Variants in ASH1L observed in about 807,000 individuals in gnomAD.
The protein encoded by ASH1L is histone-lysine N-methyltransferase ASH1L.
A neutral mutation model predicts 269.0 loss-of-function variants in ASH1L; 23 were observed. That is an observed-to-expected ratio of 0.09 (90% CI 0.06 to 0.12). The LOEUF is 0.12. Among genes scored for constraint, ASH1L ranks in the 10% least tolerant of loss-of-function variants. The pLI, the probability that ASH1L is intolerant of heterozygous loss-of-function variation, is 1.00. For synonymous variants in ASH1L, 1,187 were observed against 1,253.5 expected (o/e 0.95, Z 1.12); for missense variants, 2,912 against 3,567.8 (o/e 0.82, Z 4.68).
intron 1 of ASH1L, among the ~76,000 whole-genome samples, chr1:155,532,018 A>G (rs1442742546): frequency 2.0e-5 from 3 of 152,348 alleles, no homozygotes; most frequent in Middle Eastern, 3.4e-3. Context: ...CAAGGATGCC[A>G]TGTTGTAACA....
At chr1:155,397,485 G>A (rs1419039989) in intron 6 of ASH1L, among the ~76,000 whole-genome samples, 4 of 147,368 alleles carry the variant, frequency 2.7e-5, no homozygotes, top group Admixed American at 6.8e-5. Flanking sequence ...CAACAAGAGC[G>A]AAACTCTGTC....
intron 1 of ASH1L, among the ~76,000 whole-genome samples, chr1:155,548,075 C>T (rs1670950628): frequency 6.6e-6 from 1 of 152,034 alleles, no homozygotes; most frequent in Admixed American, 6.6e-5. Flanking sequence ...AACAGAAAAC[C>T]AAACACCGCA....
chr1:155,518,244 A>G (rs1468043849), intron 2 of ASH1L, among the ~76,000 whole-genome samples: 3 of 152,172 alleles, frequency 2.0e-5, no homozygotes, highest in Non-Finnish European at 4.4e-5. Context: ...TTAAATACAA[A>G]ACGGATCACA....
At position 155,346,367 on chromosome 1, in the gene ASH1L, C is replaced by A; in HGVS notation, c.7890+16G>T. 1 of 1,612,628 alleles carries A rather than the reference C, an allele frequency of 6.2e-7. No homozygotes were observed. The highest frequency in any genetic ancestry group is 1.1e-5 in the South Asian group (1 of 91,034). ...TCCTACTTATAGATCAGAGTTTTAT[C>A]AGAGGTTCAGCTTACCCTGTCCACA... On this transcript the variant is annotated intron_variant, in intron 21 of 27. Coordinates refer to ENST00000392403, the MANE Select transcript of ASH1L (RefSeq NM_018489.3).
At chr1:155,489,122 T>C (rs1666564492) in intron 2 of ASH1L, among the ~76,000 whole-genome samples, 1 of 152,216 alleles carries the variant, frequency 6.6e-6, no homozygotes, top group Non-Finnish European at 1.5e-5. Context: ...CAATAGTTCA[T>C]AATTCATAAA....
chr1:155,337,022 C>T lies in ASH1L; in HGVS notation c.*638G>A, dbSNP rs1047008111. ...CCTTCTGACCCCATGGGGGCCTTCC[C>T]TATCCCATGATTCCATTTTGGGGAG... On this transcript the variant is annotated 3_prime_UTR_variant, in exon 28 of 28. Transcript: ENST00000392403. The T allele has an allele frequency of 6.6e-6, 1 of 152,372 alleles. No homozygotes were observed. The highest frequency in any genetic ancestry group is 1.5e-5 in the Non-Finnish European group (1 of 68,068). The allele number at this position is 152,372 out of a possible 1,614,324, so 9.4% of individuals were successfully genotyped here. A position where few individuals can be genotyped will look rare whatever the true frequency, so the allele number is the denominator to read the frequency against.
At chr1:155,433,319 A>G in intron 5 of ASH1L, 2 of 1,583,968 alleles carry the variant, frequency 1.3e-6, no homozygotes, top group East Asian at 4.6e-5. Flanking sequence ...AGGGCCAGGA[A>G]TCGGGCCGGG....
At chr1:155,471,572 C>A (rs530394826) in intron 3 of ASH1L, among the ~76,000 whole-genome samples, 1 of 152,330 alleles carries the variant, frequency 6.6e-6, no homozygotes, top group Admixed American at 6.5e-5. Context: ...GCAATGTGCC[C>A]GGATTCCACA....
intron 4 of ASH1L, among the ~76,000 whole-genome samples, chr1:155,448,473 C>G (rs1663196635): frequency 1.3e-5 from 2 of 152,096 alleles, no homozygotes; most frequent in African/African-American, 4.8e-5. Flanking sequence ...ACTTCAGGCA[C>G]AGGGGTGCCA....
At chr1:155,501,428 T>C (rs1289934041) in intron 2 of ASH1L, among the ~76,000 whole-genome samples, 2 of 152,222 alleles carry the variant, frequency 1.3e-5, no homozygotes, top group Non-Finnish European at 2.9e-5. Flanking sequence ...TGGAGTGCAG[T>C]AGCACAATCT....
chr1:155,348,265 G>C (rs969333239), intron 19 of ASH1L, among the ~76,000 whole-genome samples: 1 of 152,148 alleles, frequency 6.6e-6, no homozygotes, highest in African/African-American at 2.4e-5. Flanking sequence ...ATCTGTGACA[G>C]ATCTACAGGT....
chr1:155,560,727 T>C (rs1294516184), intron 1 of ASH1L, among the ~76,000 whole-genome samples: 1 of 152,226 alleles, frequency 6.6e-6, no homozygotes, highest in Non-Finnish European at 1.5e-5. Flanking sequence ...CAAGTTAAGC[T>C]GTCAGCACCC....
At chr1:155,553,547 C>T (rs897729108) in intron 1 of ASH1L, among the ~76,000 whole-genome samples, 9 of 152,136 alleles carry the variant, frequency 5.9e-5, no homozygotes, top group African/African-American at 1.7e-4. Context: ...TACGTTCATA[C>T]GTTTGCAGAT....
At chr1:155,525,462 CTTGA>C (rs1017364974) in intron 1 of ASH1L, among the ~76,000 whole-genome samples, 3 of 150,476 alleles carry the variant, frequency 2.0e-5, no homozygotes, top group African/African-American at 4.9e-5. Flanking sequence ...TATTAATGGG[CTTGA>C]TTAAGTTAGT....
At chr1:155,434,734 G>A (rs1204865499) in intron 5 of ASH1L, among the ~76,000 whole-genome samples, 5 of 152,002 alleles carry the variant, frequency 3.3e-5, no homozygotes, top group East Asian at 1.9e-4. Context: ...GGTGGTGTGC[G>A]CCTGTAATCC....
chr1:155,480,172 G>C lies in ASH1L; in HGVS notation c.2698C>G (p.Pro900Ala). The change falls in exon 3 of 28, where the codon CCA (proline) becomes GCA (alanine). Residue 900 changes from proline to alanine, a missense_variant. This residue lies in a region of ASH1L where 715 missense variants were observed against 721.0 expected (regional missense o/e 0.99). Transcript: ENST00000392403. ...RGRPKRQMRS[P>A]VKMKPPVLSV... Reference sequence around the variant, plus strand: ...AGTACAGGTGGCTTCATCTTGACTGGTGACCTCATTTGCCTCTTAGGCCTG... The same window carrying C: ...AGTACAGGTGGCTTCATCTTGACTGCTGACCTCATTTGCCTCTTAGGCCTG... 5 of 1,614,132 alleles carry C rather than the reference G, an allele frequency of 3.1e-6. No homozygotes were observed. The highest frequency in any genetic ancestry group is 4.2e-6 in the Non-Finnish European group (5 of 1,180,010).
intron 1 of ASH1L, among the ~76,000 whole-genome samples, chr1:155,534,590 T>C (rs1669922482): frequency 6.6e-6 from 1 of 151,878 alleles, no homozygotes; most frequent in South Asian, 2.1e-4. Context: ...GGGGCCAATA[T>C]TCTAGAAGTA....
chr1:155,509,400 CATT>C (rs1206556122), intron 2 of ASH1L, among the ~76,000 whole-genome samples: 4 of 152,158 alleles, frequency 2.6e-5, no homozygotes, highest in Admixed American at 1.3e-4. Context: ...ACAGAAACAT[CATT>C]GATACTAAAA....
At chr1:155,549,211 C>T (rs990560784) in intron 1 of ASH1L, among the ~76,000 whole-genome samples, 11 of 152,074 alleles carry the variant, frequency 7.2e-5, no homozygotes, top group African/African-American at 2.2e-4. Context: ...AATATTGTGT[C>T]GTGAGCCTGT....
Sources: gnomAD v4.1 joint callset for allele counts (sites outside exome capture counted in the v4.1 genomes callset) on GRCh38, gnomAD v4.1.1 for gene constraint, gnomAD v4.1.1 regional missense constraint, MANE v1.5 for transcripts, NCBI Gene and HGNC (gene_info 2026-07-23, HGNC 2026-07-21) for gene names.